The following PYGB variants were observed in gnomAD, a reference collection of about 807,000 sequenced individuals.
PYGB encodes glycogen phosphorylase B.
PYGB carries 82 observed loss-of-function variants against 94.3 expected under a neutral mutation model. That is an observed-to-expected ratio of 0.87 (90% CI 0.73 to 1.04). The LOEUF (loss-of-function observed/expected upper bound fraction) is 1.04. Among genes scored for constraint, PYGB ranks in the 50% least tolerant of loss-of-function variants. The pLI is 0.00. For missense variants in PYGB, 1,132 were observed against 1,158.2 expected, an observed-to-expected ratio of 0.98 and a Z score of 0.33; for synonymous variants, 488 against 479.1, an observed-to-expected ratio of 1.02 and a Z score of -0.24.
At position 25,284,171 on chromosome 20, in the gene PYGB, T is replaced by C. The variant is rs777461719; in HGVS notation, c.1688T>C (p.Met563Thr). The C allele has an allele frequency of 2.5e-6, 4 of 1,614,012 alleles. No individual in the cohort carries two copies. Among genetic ancestry groups the C allele is most frequent in the Non-Finnish European group, 3.4e-6 (4 of 1,179,946 alleles). Residue 563 changes from methionine (M) to threonine (T), a missense_variant, in exon 14 of 20, where the codon ATG becomes ACG. Transcript: ENST00000216962. The stretch of plus-strand genomic sequence containing the variant: ...AAGGTGAAGATCAACCCCTCCTCCA[T>C]GTTCGATGTGCATGTGAAGAGGATC... ...EYKVKINPSSMFDVHVKRIHE... is the reference protein window; with the variant it reads ...EYKVKINPSSTFDVHVKRIHE...
chr20:25,281,019 G>A lies in PYGB; in HGVS notation c.1310G>A (p.Cys437Tyr). The change falls in exon 11 of 20, where the codon TGC becomes TAC. Residue 437 changes from cysteine to tyrosine, a missense_variant. Physicochemically the swap from Cys to Tyr is radical, Grantham distance 194. Transcript: ENST00000216962. Reference protein sequence around the residue: ...RRMSVIEEGDCKRINMAHLCV... With the variant: ...RRMSVIEEGDYKRINMAHLCV... ...ATGTCTGTGATCGAGGAGGGGGACT[G>A]CAAGCGGATCAACATGGCCCACCTG... The A allele has an allele frequency of 6.2e-7, 1 of 1,614,228 alleles. No homozygotes were observed. The highest frequency in any genetic ancestry group is 8.5e-7 in the Non-Finnish European group (1 of 1,180,030).
rs761001542 is a variant in PYGB at position 25,290,534 on chromosome 20, C to T, written c.1881C>T (p.Ile627=). ...TGATCATCAAGTTGGTCACCTCCAT[C>T]GGCGACGTCGTCAATCATGACCCAG... The part of the protein sequence containing the change: ...AKLIIKLVTS[I]GDVVNHDPVV... The change falls in exon 16 of 20, where the codon ATC becomes ATT. Residue 627 remains isoleucine, a synonymous_variant. Transcript: ENST00000216962. 23 of 1,611,484 alleles carry T rather than the reference C, an allele frequency of 1.4e-5. No individual in the cohort carries two copies. The highest frequency in any genetic ancestry group is 2.2e-5 in the East Asian group (1 of 44,766).
intron 18 of PYGB, 57 bp from the exon 19 acceptor site, chr20:25,295,547 G>A (rs2088527995): frequency 6.4e-7 from 1 of 1,556,258 alleles, no homozygotes; most frequent in East Asian, 2.2e-5. Context: ...CTCCCCTCGG[G>A]ACAGTGTGGG....
intron 2 of PYGB, among the ~76,000 whole-genome samples, chr20:25,268,704 C>T (rs2088240639): frequency 6.6e-6 from 1 of 152,116 alleles, no homozygotes; most frequent in African/African-American, 2.4e-5. Flanking sequence ...AAGTGTCAAT[C>T]GTGATTTTAT....
rs1474311737 is a variant in PYGB at position 25,279,116 on chromosome 20, C to T, written c.1059C>T (p.Ile353=). 3.1e-6 allele frequency: 5 copies of T among 1,613,908 alleles called. No individual in the cohort carries two copies. The East Asian group carries it at 1.1e-4, about 36-fold the overall frequency. The part of the protein sequence containing the change: ...PALSIPELMR[I]LVDVEKVDWD... ...TCTCCATCCCTGAGCTCATGCGGAT[C>T]CTGGTGGACGTGGAGAAGGTGGACT... The change falls in exon 9 of 20, where the codon ATC becomes ATT. Residue 353 remains isoleucine, a synonymous_variant. Transcript: ENST00000216962.
intron 18 of PYGB, 137 bp downstream of exon 18, chr20:25,294,429 A>C: frequency 8.7e-7 from 1 of 1,144,708 alleles, no homozygotes; most frequent in African/African-American, 1.5e-5. Flanking sequence ...TGCCCATGAG[A>C]CCTTACTGGG....
chr20:25,274,453 C>G, intron 4 of PYGB, 139 bp from the exon 5 acceptor site: 1 of 1,241,362 alleles, frequency 8.1e-7, no homozygotes, highest in South Asian at 1.7e-5. Flanking sequence ...AGTGGGAATC[C>G]CGACCTGGTA....
intron 1 of PYGB, among the ~76,000 whole-genome samples, chr20:25,255,175 G>C (rs1018509157): frequency 6.6e-6 from 1 of 152,228 alleles, no homozygotes. Context: ...TGGATTATCA[G>C]ATTGCTCTGT....
intron 14 of PYGB, chr20:25,288,079 T>G (rs1050986352): frequency 4.8e-6 from 2 of 414,946 alleles, no homozygotes; most frequent in African/African-American, 4.1e-5. Flanking sequence ...GTTGGGCTTT[T>G]CTGGAAACTG....
chr20:25,283,060 A>G lies in PYGB; in HGVS notation c.1519-116A>G, dbSNP rs536435788. On this transcript the variant is annotated intron_variant, in intron 12 of 19. Coordinates refer to ENST00000216962, the MANE Select transcript of PYGB (RefSeq NM_002862.4). ...GTGGGATGCCCGGAGGGGCCGGACAAGCAGATCCCAGGGGAAAGCAGGGGC... is the reference window on the plus strand; with the variant it reads ...GTGGGATGCCCGGAGGGGCCGGACAGGCAGATCCCAGGGGAAAGCAGGGGC... 192 of 859,430 alleles carry G rather than the reference A, an allele frequency of 2.2e-4. 1 individual carries two copies. The African/African-American group carries it at 2.9e-3, about 13-fold the overall frequency. The allele number at this position is 859,430 out of a possible 1,614,324, so 53.2% of individuals were successfully genotyped here. A position where few individuals can be genotyped will look rare whatever the true frequency, so the allele number is the denominator to read the frequency against.
chr20:25,260,944 A>G (rs1318335432), intron 2 of PYGB, among the ~76,000 whole-genome samples: 2 of 152,230 alleles, frequency 1.3e-5, no homozygotes, highest in Non-Finnish European at 2.9e-5. Flanking sequence ...GGCGTCCGCC[A>G]TTGCTGAGGC....
At chr20:25,293,346 A>C (rs1300778953) in intron 17 of PYGB, among the ~76,000 whole-genome samples, 1 of 151,360 alleles carries the variant, frequency 6.6e-6, no homozygotes, top group African/African-American at 2.4e-5. Context: ...CCATCAGGGC[A>C]CTCCACTGTG....
In PYGB at chr20:25,254,251, C is replaced by A. The variant is rs915007618; in HGVS notation, c.244-4986C>A. On this transcript the variant is annotated intron_variant, in intron 1 of 19. Transcript: ENST00000216962. ...AAATCTTTTCAGTGTCACCAGCTGT[C>A]CTGCTTAATAAATACAAATAAAATG... Among the ~76,000 whole-genome samples the A allele has an allele frequency of 5.3e-5, 8 of 151,986 alleles. No individual in the cohort carries two copies. The South Asian group carries it at 1.5e-3, about 28-fold the overall frequency.
intron 2 of PYGB, among the ~76,000 whole-genome samples, chr20:25,265,041 A>T (rs1252860666): frequency 2.6e-5 from 4 of 152,244 alleles, no homozygotes; most frequent in East Asian, 1.9e-4. Context: ...ACAAGGCTAC[A>T]GTAACCAAAA....
chr20:25,276,541 G>A, intron 5 of PYGB, 105 bp from the exon 6 acceptor site: 2 of 874,252 alleles, frequency 2.3e-6, no homozygotes, highest in Non-Finnish European at 3.7e-6. Flanking sequence ...ACGGTGGGGG[G>A]CCAGCAGGGC....
chr20:25,282,766 G>C lies in PYGB; in HGVS notation c.1519-410G>C, dbSNP rs76344481. Among the ~76,000 whole-genome samples the C allele has an allele frequency of 3.0e-3, 457 of 152,180 alleles. 1 individual carries two copies. Among genetic ancestry groups the C allele is most frequent in the Non-Finnish European group, 4.9e-3 (335 of 67,904 alleles). ...CTGGGTACAGTGAGGAGAGGTGGCCGAGTGTTTGCAGGCAGCACCTGGGTG... is the reference window on the plus strand; with the variant it reads ...CTGGGTACAGTGAGGAGAGGTGGCCCAGTGTTTGCAGGCAGCACCTGGGTG... On this transcript the variant is annotated intron_variant, in intron 12 of 19. Coordinates refer to ENST00000216962, the MANE Select transcript of PYGB (RefSeq NM_002862.4).
At chr20:25,280,495 C>T in intron 10 of PYGB, 83 bp downstream of exon 10, 1 of 1,516,122 alleles carries the variant, frequency 6.6e-7, no homozygotes. Flanking sequence ...AGAGGAGGTG[C>T]TTTGCTCCTT....
chr20:25,290,052 A>C (rs2088451976), intron 15 of PYGB: 1 of 445,636 alleles, frequency 2.2e-6, no homozygotes, highest in Non-Finnish European at 4.6e-6. Context: ...AGTTCTCTGT[A>C]GGTTTTCCCC....
At position 25,288,459 on chromosome 20, in the gene PYGB, C is replaced by T. The variant is rs748346939; in HGVS notation, c.1803C>T (p.Pro601=). The change falls in exon 15 of 20, where the codon CCC becomes CCT. Residue 601 remains proline (P), a synonymous_variant. Transcript: ENST00000216962. ...GAGACCCGGCCAAGGCTTTTGTGCC[C>T]AGGACTGTTATGATTGGGGGCAAGG... is the stretch of plus-strand genomic sequence containing the variant. ...IKRDPAKAFV[P]RTVMIGGKAA... 6.2e-7 allele frequency: 1 copy of T among 1,614,130 alleles called. No homozygotes were observed. Among genetic ancestry groups the T allele is most frequent in the Non-Finnish European group, 8.5e-7 (1 of 1,180,014 alleles).
Sources: gnomAD v4.1 joint callset for allele counts (sites outside exome capture counted in the v4.1 genomes callset) on GRCh38, gnomAD v4.1.1 for gene constraint, MANE v1.5 for transcripts, NCBI Gene and HGNC (gene_info 2026-07-23, HGNC 2026-07-21) for gene names.